EYA1: variants seen among roughly 807,000 people sequenced by gnomAD.
EYA1 encodes the protein protein phosphatase EYA1.
Under a neutral mutation model 82.0 loss-of-function variants are expected in EYA1, and 16 were observed. That is an observed-to-expected ratio of 0.20 (90% confidence interval 0.13 to 0.30). The LOEUF (loss-of-function observed/expected upper bound fraction) is 0.30, where lower values mean the gene tolerates loss of function less well. EYA1 is among the 10% of genes least tolerant of loss of function. The pLI, the probability that EYA1 is intolerant of heterozygous loss-of-function variation, is 1.00. For missense variants in EYA1, 633 were observed against 730.7 expected, an observed-to-expected ratio of 0.87 and a Z score of 1.54; for synonymous variants, 261 against 264.4, an observed-to-expected ratio of 0.99 and a Z score of 0.12.
chr8:71,478,045 G>A (rs961175054), intron 2 of EYA1, among the ~76,000 whole-genome samples: 4 of 152,122 alleles, frequency 2.6e-5, no homozygotes, highest in African/African-American at 7.2e-5. Flanking sequence ...GAATTAGGTA[G>A]GGGATACTTA....
intron 11 of EYA1, among the ~76,000 whole-genome samples, chr8:71,267,588 G>A (rs771111141): frequency 9.9e-5 from 15 of 152,076 alleles, no homozygotes; most frequent in Non-Finnish European, 1.6e-4. Context: ...TTGCTCTGTT[G>A]CCCAGGCTGG....
At chr8:71,406,820 C>T (rs1166430029) in intron 2 of EYA1, among the ~76,000 whole-genome samples, 6 of 146,050 alleles carry the variant, frequency 4.1e-5, no homozygotes, top group African/African-American at 7.5e-5. Context: ...ATTGCCCAGG[C>T]TTGCTTAGGT....
intron 1 of EYA1, among the ~76,000 whole-genome samples, chr8:71,542,525 CACGTGCATGTGTCTTTAAAATAGA>C (rs1429709132): frequency 1.3e-5 from 2 of 152,184 alleles, no homozygotes; most frequent in Non-Finnish European, 2.9e-5. Context: ...ACTGAACATA[CACGTGCATGTGTCTTTAAAATAGA>C]ACGATTTACA....
chr8:71,314,164 G>A (rs4295694), intron 7 of EYA1, among the ~76,000 whole-genome samples: 83,982 of 151,906 alleles, frequency 0.55, 23,421 homozygotes, highest in East Asian at 0.74. Context: ...AAGAACTGAG[G>A]GAATTTTGAA....
At chr8:71,303,852 T>C (rs1158644187) in intron 7 of EYA1, among the ~76,000 whole-genome samples, 1 of 142,656 alleles carries the variant, frequency 7.0e-6, no homozygotes, top group African/African-American at 2.5e-5. Flanking sequence ...ACAGGGTGTA[T>C]GATCATTCCC....
rs539461429 is a variant in EYA1 at position 71,386,983 on chromosome 8, T to C, written c.34-30472A>G. On this transcript the variant is annotated intron_variant, in intron 2 of 18. Transcript: ENST00000643681. ...TATTGAGCAGATGGGGGATTAGCCA[T>C]GTCAATAAACATTTTCTGGTTCCTC... Among the ~76,000 whole-genome samples, 10 of 152,340 alleles carry C rather than the reference T, an allele frequency of 6.6e-5. No individual in the cohort carries two copies. In the South Asian group the frequency reaches 2.1e-3, roughly 32 times the overall value.
At chr8:71,487,388 C>T (rs36096231) in intron 2 of EYA1, among the ~76,000 whole-genome samples, 6,377 of 152,266 alleles carry the variant, frequency 0.042, 187 homozygotes, top group Non-Finnish European at 0.066. Context: ...AACCAGTCTA[C>T]AAAGATCTGA....
At chr8:71,205,806 G>A (rs570800197) in intron 17 of EYA1, among the ~76,000 whole-genome samples, 1 of 152,234 alleles carries the variant, frequency 6.6e-6, no homozygotes, top group South Asian at 2.1e-4. Context: ...CATTATTTAA[G>A]GAGATGACAG....
intron 2 of EYA1, among the ~76,000 whole-genome samples, chr8:71,383,363 C>T (rs1828815833): frequency 6.6e-6 from 1 of 151,982 alleles, no homozygotes; most frequent in African/African-American, 2.4e-5. Flanking sequence ...CACATGAGTG[C>T]AAAGGAAAAT....
chr8:71,545,510 G>A (rs1361403672), intron 1 of EYA1, among the ~76,000 whole-genome samples: 1 of 150,176 alleles, frequency 6.7e-6, no homozygotes, highest in African/African-American at 2.5e-5. Flanking sequence ...TTTTTTATAG[G>A]CTAAATAACT....
intron 9 of EYA1, among the ~76,000 whole-genome samples, chr8:71,281,598 C>T (rs181813912): frequency 6.6e-5 from 10 of 152,346 alleles, no homozygotes; most frequent in East Asian, 3.9e-4. Flanking sequence ...GCCACTGCCA[C>T]GGGTCTGCTG....
Position 71,197,749 on chromosome 8 carries a change from T to C in EYA1, c.*1591A>G, listed in dbSNP as rs974673015. On this transcript the variant is annotated 3_prime_UTR_variant, in exon 18 of 18. Coordinates refer to ENST00000340726, the MANE Select transcript of EYA1 (RefSeq NM_000503.6). ...CTCTTCAACTACTTCGGGTCAAAGC[T>C]GGTGTTTTTCCCGCCCAATATATGA... 1.3e-5 allele frequency: 2 copies of C among 152,616 alleles called. No individual in the cohort carries two copies. The highest frequency in any genetic ancestry group is 4.8e-5 in the African/African-American group (2 of 41,442). The allele number at this position is 152,616 out of a possible 1,614,324, so 9.5% of individuals were successfully genotyped here. A position where few individuals can be genotyped will look rare whatever the true frequency, so the allele number is the denominator to read the frequency against.
At chr8:71,355,957 T>C (rs574940829) in intron 2 of EYA1, among the ~76,000 whole-genome samples, 2 of 152,308 alleles carry the variant, frequency 1.3e-5, no homozygotes, top group East Asian at 3.9e-4. Flanking sequence ...TTTTAAACTT[T>C]GTATGTTTTT....
intron 2 of EYA1, among the ~76,000 whole-genome samples, chr8:71,468,724 C>A (rs1456687595): frequency 6.6e-6 from 1 of 152,060 alleles, no homozygotes; most frequent in Non-Finnish European, 1.5e-5. Flanking sequence ...ACATTCAATG[C>A]CCAGTAATTC....
chr8:71,459,632 T>C (rs1330957937), intron 2 of EYA1, among the ~76,000 whole-genome samples: 1 of 89,996 alleles, frequency 1.1e-5, no homozygotes, highest in Non-Finnish European at 1.9e-5. Flanking sequence ...TTCTCTTTTC[T>C]GAGAGCTTTT....
chr8:71,304,462 AC>A lies in EYA1; in HGVS notation c.557-4743del, dbSNP rs1344618594. Among the ~76,000 whole-genome samples the A allele has an allele frequency of 1.4e-5, 2 of 142,608 alleles. 1 individual carries two copies. The highest frequency in any genetic ancestry group is 3.2e-5 in the Non-Finnish European group (2 of 62,804). The allele number at this position is 142,608 out of a possible 152,430, so 93.6% of individuals were successfully genotyped here. On this transcript the variant is annotated intron_variant, in intron 7 of 17. Coordinates refer to ENST00000340726, the MANE Select transcript of EYA1 (RefSeq NM_000503.6). ...TATGACCATTTCCAAAATATGCCTG[AC>A]AAACTGCCTCAGAGTCATTAGGAAG...
At chr8:71,261,645 C>T (rs185289647) in intron 11 of EYA1, among the ~76,000 whole-genome samples, 3 of 152,166 alleles carry the variant, frequency 2.0e-5, no homozygotes, top group Non-Finnish European at 4.4e-5. Flanking sequence ...ATTCCAAAGA[C>T]TAATTTTGAC....
intron 12 of EYA1, among the ~76,000 whole-genome samples, chr8:71,230,277 C>T (rs1487914827): frequency 1.3e-5 from 2 of 152,144 alleles, no homozygotes; most frequent in African/African-American, 4.8e-5. Context: ...AGCAGTGACT[C>T]TCTCCCAGAT....
At chr8:71,423,202 C>G (rs532403118) in intron 2 of EYA1, among the ~76,000 whole-genome samples, 2 of 152,146 alleles carry the variant, frequency 1.3e-5, no homozygotes, top group South Asian at 4.1e-4. Flanking sequence ...TTTAGAAGAG[C>G]TCTTACAGGG....
Sources: gnomAD v4.1 joint callset for allele counts (sites outside exome capture counted in the v4.1 genomes callset) on GRCh38, gnomAD v4.1.1 for gene constraint, MANE v1.5 for transcripts, NCBI Gene and HGNC (gene_info 2026-07-23, HGNC 2026-07-21) for gene names.